CYP39A1: variants seen among roughly 807,000 people sequenced by gnomAD.
CYP39A1 encodes 24-hydroxycholesterol 7-alpha-hydroxylase.
A neutral mutation model predicts 58.1 loss-of-function variants in CYP39A1; 49 were observed. The ratio of observed to expected loss-of-function variants is 0.84; its 90% CI spans 0.67 to 1.07. The LOEUF (loss-of-function observed/expected upper bound fraction) is 1.07. Ranked by LOEUF, CYP39A1 falls within the 50% of genes least tolerant of loss-of-function variation. The pLI is 0.00. For missense variants in CYP39A1, 531 were observed against 539.4 expected (o/e 0.98, Z 0.16); for synonymous variants, 209 against 187.6 (o/e 1.11, Z -0.93).
At chr6:46,629,346 C>A (rs1190128431) in intron 6 of CYP39A1, among the ~76,000 whole-genome samples, 1 of 152,082 alleles carries the variant, frequency 6.6e-6, no homozygotes, top group East Asian at 1.9e-4. Context: ...GACAGGAGTG[C>A]CTGTTTTGTT....
chr6:46,600,725 T>G (rs1385345300), intron 7 of CYP39A1, among the ~76,000 whole-genome samples: 2 of 152,172 alleles, frequency 1.3e-5, no homozygotes, highest in African/African-American at 2.4e-5. Flanking sequence ...AGAAAGAAGC[T>G]CCTATGCTTG....
At chr6:46,581,197 C>A (rs1430611202) in intron 10 of CYP39A1, among the ~76,000 whole-genome samples, 1 of 152,088 alleles carries the variant, frequency 6.6e-6, no homozygotes, top group Non-Finnish European at 1.5e-5. Context: ...TGCTTGAGCT[C>A]AGGAGTTCAA....
chr6:46,601,280 C>A (rs947359367), intron 7 of CYP39A1, among the ~76,000 whole-genome samples: 1 of 152,148 alleles, frequency 6.6e-6, no homozygotes, highest in Non-Finnish European at 1.5e-5. Context: ...TTGTCCAAGC[C>A]GTGAATATTT....
At chr6:46,625,096 A>T (rs1582427441) in intron 7 of CYP39A1, among the ~76,000 whole-genome samples, 1 of 152,234 alleles carries the variant, frequency 6.6e-6, no homozygotes, top group Admixed American at 6.5e-5. Context: ...AACTGTGGAC[A>T]TTCATTCAAT....
chr6:46,586,203 A>G, intron 10 of CYP39A1: 2 of 982,680 alleles, frequency 2.0e-6, no homozygotes, highest in East Asian at 1.1e-4. Flanking sequence ...GGAGCAATTA[A>G]TAACTGCAAA....
intron 10 of CYP39A1, among the ~76,000 whole-genome samples, chr6:46,556,427 C>G (rs531560732): frequency 2.8e-4 from 43 of 152,232 alleles, no homozygotes; most frequent in Non-Finnish European, 4.6e-4. Flanking sequence ...TTCCAGGGAT[C>G]TAGATAGGAG....
chr6:46,636,626 C>A, intron 4 of CYP39A1, 144 bp from the exon 5 acceptor site: 1 of 613,734 alleles, frequency 1.6e-6, no homozygotes, highest in Non-Finnish European at 2.8e-6. Flanking sequence ...CATGGAAGGT[C>A]TACCTTCGGA....
chr6:46,609,355 T>G (rs1004289802), intron 7 of CYP39A1, among the ~76,000 whole-genome samples: 1 of 146,146 alleles, frequency 6.8e-6, no homozygotes, highest in Admixed American at 6.9e-5. Context: ...GTGAGCTGAG[T>G]CCGCGCCACT....
chr6:46,625,695 C>T (rs1487714887), intron 6 of CYP39A1, among the ~76,000 whole-genome samples, 187 bp from the exon 7 acceptor site: 1 of 151,638 alleles, frequency 6.6e-6, no homozygotes, highest in East Asian at 1.9e-4. Flanking sequence ...AATATATCTC[C>T]AAGAAGCCAG....
intron 10 of CYP39A1, among the ~76,000 whole-genome samples, chr6:46,569,156 T>A (rs1396002736): frequency 1.3e-5 from 2 of 152,114 alleles, no homozygotes; most frequent in Non-Finnish European, 2.9e-5. Flanking sequence ...TAAATGGGAT[T>A]GCTTTCATAG....
chr6:46,630,842 A>T, intron 6 of CYP39A1, 121 bp downstream of exon 6: 1 of 776,044 alleles, frequency 1.3e-6, no homozygotes, highest in Non-Finnish European at 2.1e-6. Flanking sequence ...AATCCACTGT[A>T]GTTTTTTTCT....
intron 1 of CYP39A1, 92 bp downstream of exon 1, chr6:46,652,314 T>C: frequency 8.0e-7 from 1 of 1,246,486 alleles, no homozygotes; most frequent in Non-Finnish European, 1.1e-6. Flanking sequence ...ATGTTCCCCG[T>C]GTTCTAGCCC....
At chr6:46,567,994 TTTA>T (rs78363997) in intron 10 of CYP39A1, among the ~76,000 whole-genome samples, 6,842 of 112,468 alleles carry the variant, frequency 0.061, 327 homozygotes, top group Admixed American at 0.18. Context: ...GACATTTTTT[TTTA>T]AAAAAAAAAC....
chr6:46,616,178 TCTTTCTTTC>T (rs1774559152), intron 7 of CYP39A1, among the ~76,000 whole-genome samples: 5 of 34,926 alleles, frequency 1.4e-4, no homozygotes, highest in African/African-American at 6.5e-4. Context: ...TTTCTTTCTT[TCTTTCTTTC>T]TTCTTTCCCT....
At chr6:46,595,660 A>G (rs1443049636) in intron 8 of CYP39A1, among the ~76,000 whole-genome samples, 2 of 152,010 alleles carry the variant, frequency 1.3e-5, no homozygotes, top group Admixed American at 1.3e-4. Flanking sequence ...AGGAGGAGTA[A>G]GTTCAAGAGG....
intron 10 of CYP39A1, among the ~76,000 whole-genome samples, chr6:46,575,151 C>T (rs1091947): frequency 0.086 from 13,039 of 152,132 alleles, 1,399 homozygotes; most frequent in African/African-American, 0.25. Context: ...GGAGATCCCA[C>T]AACTCCCATG....
intron 10 of CYP39A1, among the ~76,000 whole-genome samples, chr6:46,559,041 AAGAG>A (rs1003313474): frequency 6.6e-6 from 1 of 152,108 alleles, no homozygotes; most frequent in African/African-American, 2.4e-5. Flanking sequence ...AATTGTGTAA[AAGAG>A]AGAAAGAGAC....
In CYP39A1 at chr6:46,578,481, A is replaced by G. The variant is rs1267733219; in HGVS notation, c.1250+8596T>C. 3.9e-5 allele frequency among the ~76,000 whole-genome samples: 6 copies of G among 152,092 alleles called. No individual in the cohort carries two copies. In the East Asian group the frequency reaches 1.2e-3, roughly 29 times the overall value. ...GACGCAAAAATCCATACAAAAGATT[A>G]AGAAAACCAAAACTTTGTTTTTTGA... On this transcript the variant is annotated intron_variant, in intron 10 of 11. Coordinates refer to ENST00000275016, the MANE Select transcript of CYP39A1 (RefSeq NM_016593.5).
chr6:46,593,225 A>G (rs1364676173), intron 8 of CYP39A1, among the ~76,000 whole-genome samples: 1 of 152,140 alleles, frequency 6.6e-6, no homozygotes, highest in African/African-American at 2.4e-5. Flanking sequence ...CAGATGGGGT[A>G]TTGTGCATGC....
Sources: gnomAD v4.1 joint callset for allele counts (sites outside exome capture counted in the v4.1 genomes callset) on GRCh38, gnomAD v4.1.1 for gene constraint, MANE v1.5 for transcripts, NCBI Gene and HGNC (gene_info 2026-07-23, HGNC 2026-07-21) for gene names.